XIRP2: variants seen among roughly 807,000 people sequenced by gnomAD.
XIRP2 encodes the protein xin actin-binding repeat-containing protein 2.
In XIRP2, 236 loss-of-function variants were observed where a neutral mutation model predicts 277.0. The ratio of observed to expected loss-of-function variants is 0.85; its 90% CI spans 0.77 to 0.95. The LOEUF (loss-of-function observed/expected upper bound fraction) is 0.95, where lower values mean the gene tolerates loss of function less well. Among genes scored for constraint, XIRP2 ranks in the 40% least tolerant of loss-of-function variants. The probability of loss-of-function intolerance (pLI) is 0.00; values close to 1 mark genes in which losing one functional copy is unlikely to be tolerated. For missense variants in XIRP2, 4,640 were observed against 4,157.5 expected (o/e 1.12, Z -3.19); for synonymous variants, 1,490 against 1,416.5 (o/e 1.05, Z -1.17).
intron 2 of XIRP2, among the ~76,000 whole-genome samples, chr2:166,939,679 CAA>C (rs138977006): frequency 6.6e-5 from 6 of 90,660 alleles, no homozygotes; most frequent in African/African-American, 2.0e-4. Flanking sequence ...GACTCCATCA[CAA>C]AAAAAAAAAA....
Position 167,258,495 on chromosome 2 carries a change from G to GT in XIRP2, c.*679dup. 6.2e-7 allele frequency: 1 copy of GT among 1,613,168 alleles called. No homozygotes were observed. The highest frequency in any genetic ancestry group is 1.1e-5 in the South Asian group (1 of 91,034). On this transcript the variant is annotated 3_prime_UTR_variant, in exon 11 of 11. Coordinates refer to ENST00000409195, the MANE Select transcript of XIRP2 (RefSeq NM_152381.6). Reference sequence around the variant, plus strand: ...CCGAGTGAAGCTGAAGACACAAAGAGTAACAGGAAAAGTGCTATGGATCTT... The same window carrying GT: ...CCGAGTGAAGCTGAAGACACAAAGAGTTAACAGGAAAAGTGCTATGGATCTT...
At chr2:167,128,764 C>T (rs1420445516) in intron 2 of XIRP2, among the ~76,000 whole-genome samples, 1 of 152,080 alleles carries the variant, frequency 6.6e-6, no homozygotes, top group African/African-American at 2.4e-5. Context: ...GTGTCCAGGA[C>T]ACCTACATTT....
chr2:166,935,652 A>G (rs543575034), intron 2 of XIRP2, among the ~76,000 whole-genome samples: 2 of 152,160 alleles, frequency 1.3e-5, no homozygotes, highest in African/African-American at 4.8e-5. Flanking sequence ...TATGATTGAG[A>G]ACATACAGTG....
Position 167,170,797 on chromosome 2 carries a change from T to C in XIRP2, c.562+34735T>C, listed in dbSNP as rs540352670. ...ACATTTCTATTATATGGATTTCTAA[T>C]CTTATTTTTCCTATTTCCATTCTTC... On this transcript the variant is annotated intron_variant, in intron 3 of 10. Coordinates refer to ENST00000409195, the MANE Select transcript of XIRP2 (RefSeq NM_152381.6). Among the ~76,000 whole-genome samples the C allele has an allele frequency of 3.3e-5, 5 of 152,126 alleles. No homozygotes were observed. The South Asian group carries it at 1.0e-3, about 32-fold the overall frequency.
At chr2:166,973,740 G>A (rs936930653) in intron 2 of XIRP2, among the ~76,000 whole-genome samples, 2 of 152,116 alleles carry the variant, frequency 1.3e-5, no homozygotes, top group East Asian at 1.9e-4. Context: ...GGCAAGTACT[G>A]CATTAAGTCA....
intron 2 of XIRP2, among the ~76,000 whole-genome samples, chr2:167,046,886 T>A (rs1688800327): frequency 6.6e-6 from 1 of 151,902 alleles, no homozygotes; most frequent in Non-Finnish European, 1.5e-5. Context: ...TGGAATTTAT[T>A]CATGTAACAA....
chr2:167,021,489 C>T (rs907739363), intron 2 of XIRP2, among the ~76,000 whole-genome samples: 2 of 152,076 alleles, frequency 1.3e-5, no homozygotes, highest in African/African-American at 4.8e-5. Context: ...TGGTATACTA[C>T]TTTCAAGGTC....
chr2:167,089,824 A>G (rs1158029942), intron 2 of XIRP2, among the ~76,000 whole-genome samples: 1 of 152,032 alleles, frequency 6.6e-6, no homozygotes, highest in Non-Finnish European at 1.5e-5. Flanking sequence ...TTGTTTATGT[A>G]TTATCTAAAA....
chr2:167,065,259 A>C (rs947334174), intron 2 of XIRP2, among the ~76,000 whole-genome samples: 4 of 152,014 alleles, frequency 2.6e-5, no homozygotes, highest in Admixed American at 2.6e-4. Context: ...AAATAGTGAT[A>C]TTAAACATTT....
At chr2:167,060,370 C>G (rs1470459320) in intron 2 of XIRP2, among the ~76,000 whole-genome samples, 2 of 152,090 alleles carry the variant, frequency 1.3e-5, no homozygotes, top group Admixed American at 1.3e-4. Context: ...ATTTACATGC[C>G]TCTTCATTCC....
intron 2 of XIRP2, among the ~76,000 whole-genome samples, chr2:167,096,166 T>C (rs1398061783): frequency 2.0e-5 from 3 of 152,096 alleles, no homozygotes; most frequent in African/African-American, 7.2e-5. Context: ...TCGCTGTGAA[T>C]CTATCTAGTC....
At position 166,913,072 on chromosome 2, in the gene XIRP2, G is replaced by T. The variant is rs190331501; in HGVS notation, c.408+9182G>T. ...GGTCAGGGACCCACTTGAGGAGGCAGTCTATCCATTCTCAGATCTCAAACT... is the reference window on the plus strand; with the variant it reads ...GGTCAGGGACCCACTTGAGGAGGCATTCTATCCATTCTCAGATCTCAAACT... On this transcript the variant is annotated intron_variant, in intron 2 of 10. Coordinates refer to ENST00000409195, the MANE Select transcript of XIRP2 (RefSeq NM_152381.6). 4.9e-4 allele frequency among the ~76,000 whole-genome samples: 75 copies of T among 151,960 alleles called. No individual in the cohort carries two copies. In the East Asian group the frequency reaches 0.011, roughly 23 times the overall value.
intron 3 of XIRP2, among the ~76,000 whole-genome samples, chr2:167,179,342 A>C (rs1272085438): frequency 8.4e-6 from 1 of 119,216 alleles, no homozygotes; most frequent in Non-Finnish European, 1.8e-5. Context: ...TTTTTTTGAG[A>C]CAAAGTCTCT....
intron 4 of XIRP2, 100 bp downstream of exon 4, chr2:167,210,995 C>T: frequency 7.0e-7 from 1 of 1,427,022 alleles, no homozygotes; most frequent in Non-Finnish European, 9.4e-7. Flanking sequence ...GGACAGGGGG[C>T]TAAAGTAGAA....
chr2:167,214,288 G>A (rs1377733433), intron 4 of XIRP2, among the ~76,000 whole-genome samples: 4 of 118,816 alleles, frequency 3.4e-5, no homozygotes, highest in Non-Finnish European at 7.0e-5. Flanking sequence ...AGGGAGGGAG[G>A]GAGGGAGGGA....
intron 2 of XIRP2, among the ~76,000 whole-genome samples, chr2:167,098,212 T>C (rs1441168462): frequency 6.6e-6 from 1 of 152,246 alleles, no homozygotes; most frequent in African/African-American, 2.4e-5. Context: ...TCTTTTCACA[T>C]ATTCCCATAT....
intron 2 of XIRP2, among the ~76,000 whole-genome samples, chr2:167,008,797 A>G (rs182109957): frequency 1.9e-3 from 291 of 151,668 alleles, no homozygotes; most frequent in Non-Finnish European, 3.4e-3. Context: ...ATTCAAAACT[A>G]CAAAGAAAAA....
intron 2 of XIRP2, among the ~76,000 whole-genome samples, chr2:167,059,281 T>A (rs1481754286): frequency 1.3e-5 from 2 of 150,830 alleles, no homozygotes; most frequent in African/African-American, 4.9e-5. Flanking sequence ...TTTTTTATTT[T>A]TTTATTTTTT....
intron 2 of XIRP2, among the ~76,000 whole-genome samples, chr2:166,964,317 A>G (rs907049349): frequency 6.6e-6 from 1 of 151,792 alleles, no homozygotes; most frequent in Non-Finnish European, 1.5e-5. Flanking sequence ...GTGTTTTCTC[A>G]TAATGCAGGA....
Sources: allele counts gnomAD v4.1 joint callset (sites outside exome capture counted in the v4.1 genomes callset), GRCh38; gene constraint gnomAD v4.1.1; transcripts MANE v1.5; gene names NCBI Gene and HGNC (gene_info 2026-07-23, HGNC 2026-07-21).